Variants in PIK3R5 observed in about 807,000 individuals in gnomAD.
PIK3R5 encodes phosphoinositide-3-kinase regulatory subunit 5.
Under a neutral mutation model 94.9 loss-of-function variants are expected in PIK3R5, and 32 were observed. The observed-to-expected ratio is 0.34, with a 90% CI of 0.25 to 0.45. The LOEUF is 0.45. Among genes scored for constraint, PIK3R5 ranks in the 20% least tolerant of loss-of-function variants. The pLI, the probability that PIK3R5 is intolerant of heterozygous loss-of-function variation, is 1.00. For missense variants in PIK3R5, 853 were observed against 1,144.6 expected (o/e 0.75, Z 3.68); for synonymous variants, 443 against 479.4 (o/e 0.92, Z 0.99).
At chr17:8,903,244 C>T (rs999326598) in intron 5 of PIK3R5, among the ~76,000 whole-genome samples, 10 of 151,902 alleles carry the variant, frequency 6.6e-5, no homozygotes, top group African/African-American at 2.4e-4. Context: ...TTTGAGGATG[C>T]CACTTTGTCA....
In PIK3R5 at chr17:8,944,718, C is replaced by T. The variant is rs571518840; in HGVS notation, c.-14+20878G>A. Reference sequence around the variant, plus strand: ...AAGGCACCTGGCTAGGGCAGGAACACGGGTGATCCTAACGGAAGTACCAGG... The same window carrying T: ...AAGGCACCTGGCTAGGGCAGGAACATGGGTGATCCTAACGGAAGTACCAGG... On this transcript the variant is annotated intron_variant, in intron 1 of 18. Coordinates refer to ENST00000447110, the MANE Select transcript of PIK3R5 (RefSeq NM_001142633.3). 5.9e-5 allele frequency among the ~76,000 whole-genome samples: 9 copies of T among 152,294 alleles called. No individual in the cohort carries two copies. The South Asian group carries it at 1.0e-3, about 18-fold the overall frequency.
intron 1 of PIK3R5, among the ~76,000 whole-genome samples, chr17:8,939,515 G>A (rs1385596763): frequency 6.6e-6 from 1 of 152,162 alleles, no homozygotes; most frequent in Non-Finnish European, 1.5e-5. Context: ...GCCCAGCAGT[G>A]AGTCTAATCA....
chr17:8,937,793 C>G (rs886191095), intron 1 of PIK3R5, among the ~76,000 whole-genome samples: 15 of 152,132 alleles, frequency 9.9e-5, no homozygotes, highest in Non-Finnish European at 1.5e-5. Flanking sequence ...CTGGAATGGA[C>G]TGTAGAGAGT....
Position 8,886,338 on chromosome 17 carries a change from G to A in PIK3R5, c.2035-16C>T, listed in dbSNP as rs755694661. ...TGAAGGTCAGCTGGAGAGGGCAGGA[G>A]CATGTACATCAGTGTGAACCTCCTG... On this transcript the variant is annotated splice_polypyrimidine_tract_variant and intron_variant, in intron 13 of 18. Transcript: ENST00000447110. The A allele has an allele frequency of 3.7e-6, 6 of 1,607,502 alleles. No homozygotes were observed. Among genetic ancestry groups the A allele is most frequent in the Non-Finnish European group, 5.1e-6 (6 of 1,174,386 alleles).
Position 8,909,135 on chromosome 17 carries a change from A to T in PIK3R5, c.143T>A (p.Val48Asp). The T allele has an allele frequency of 6.2e-7, 1 of 1,607,612 alleles. No homozygotes were observed. Among genetic ancestry groups the T allele is most frequent in the Non-Finnish European group, 8.5e-7 (1 of 1,176,684 alleles). The change falls in exon 3 of 19, where the codon GTC (valine) becomes GAC (aspartate). Residue 48 changes from valine to aspartate, a missense_variant. By Grantham distance (152) the Val-to-Asp change is radical (BLOSUM62 -3). This residue lies in a region of PIK3R5 where 108 missense variants were observed against 170.1 expected (regional missense o/e 0.63). Transcript: ENST00000447110. The surrounding 1 kb of genome is among the most constrained non-coding windows in gnomAD (Gnocchi z 4.3). ...CLNCWSLQEL[V>D]SRDPGHFLIL... is the part of the protein sequence containing the mutation. ...AAGGAAGTGGCCCGGGTCCCTGCTG[A>T]CCAGCTCCTGCAGGCTCCAGCAGTT...
rs777086538 is a variant in PIK3R5 at position 8,911,469 on chromosome 17, G to A, written c.26C>T (p.Thr9Met). 32 of 1,599,752 alleles carry A rather than the reference G, an allele frequency of 2.0e-5. No individual in the cohort carries two copies. The highest frequency in any genetic ancestry group is 8.9e-5 in the East Asian group (4 of 44,888). Residue 9 changes from threonine to methionine, a missense_variant, in exon 2 of 19, where the codon ACG becomes ATG. By Grantham distance (81) the Thr-to-Met change is moderately conservative. Around this residue, in one of 6 missense-constraint regions of PIK3R5, gnomAD observed 108 missense variants for 170.1 expected, o/e 0.63. Transcript: ENST00000447110. The surrounding 1 kb of genome is among the most constrained non-coding windows in gnomAD (Gnocchi z 5.3). MQPGATTC[T>M]EDRIQHALER... ...CAGGGCATGCTGGATGCGGTCCTCC[G>A]TGCATGTCGTGGCCCCTGGCTGCAT...
intron 1 of PIK3R5, among the ~76,000 whole-genome samples, chr17:8,917,849 C>A (rs1362035882): frequency 6.6e-6 from 1 of 151,710 alleles, no homozygotes; most frequent in South Asian, 2.1e-4. Flanking sequence ...CTAGGTGACA[C>A]AGCAAGACTC....
At position 8,888,280 on chromosome 17, in the gene PIK3R5, G is replaced by A. The variant is rs772438975; in HGVS notation, c.1507C>T (p.Arg503Cys). 1.4e-5 allele frequency: 23 copies of A among 1,613,224 alleles called. No individual in the cohort carries two copies. The South Asian group carries it at 1.8e-4, about 12-fold the overall frequency. The change falls in exon 10 of 19, where the codon CGC (arginine) becomes TGC (cysteine). Residue 503 changes from arginine to cysteine, a missense_variant. This residue lies in a region of PIK3R5 where 319 missense variants were observed against 339.8 expected (regional missense o/e 0.94). Coordinates refer to ENST00000447110, the MANE Select transcript of PIK3R5 (RefSeq NM_001142633.3). The surrounding 1 kb of genome is among the most constrained non-coding windows in gnomAD (Gnocchi z 7.8). ...LAPASRPQRRRPFLSGDEDPK... is the reference protein window; with the variant it reads ...LAPASRPQRRCPFLSGDEDPK... Reference sequence around the variant, plus strand: ...TCCTCATCTCCACTCAGGAAGGGGCGGCGGCGCTGGGGGCGTGAAGCAGGG... The same window carrying A: ...TCCTCATCTCCACTCAGGAAGGGGCAGCGGCGCTGGGGGCGTGAAGCAGGG...
At chr17:8,920,114 C>T (rs1047904614) in intron 1 of PIK3R5, among the ~76,000 whole-genome samples, 3 of 152,002 alleles carry the variant, frequency 2.0e-5, no homozygotes, top group African/African-American at 7.2e-5. Flanking sequence ...GAACTCCTGA[C>T]CTCAAGTGAT....
chr17:8,941,652 C>T (rs533595717), intron 1 of PIK3R5, among the ~76,000 whole-genome samples: 4 of 152,372 alleles, frequency 2.6e-5, no homozygotes, highest in Admixed American at 1.3e-4. Context: ...GAGCGGCCCA[C>T]GCGGCACCGT....
intron 1 of PIK3R5, among the ~76,000 whole-genome samples, chr17:8,913,790 C>T (rs2090577635): frequency 6.6e-6 from 1 of 152,174 alleles, no homozygotes; most frequent in South Asian, 2.1e-4. Context: ...ACCTGGATGC[C>T]CAAAGACATC....
rs908424575 is a variant in PIK3R5 at position 8,945,711 on chromosome 17, C to T, written c.-14+19885G>A. 1.3e-5 allele frequency among the ~76,000 whole-genome samples: 2 copies of T among 152,236 alleles called. No homozygotes were observed. Among genetic ancestry groups the T allele is most frequent in the Non-Finnish European group, 2.9e-5 (2 of 68,040 alleles). ...CCCATCCCACCTCTCCTTTACATTA[C>T]AGCCTTGCCACTTCTCCATCAAGAG... On this transcript the variant is annotated intron_variant, in intron 1 of 18. Coordinates refer to ENST00000447110, the MANE Select transcript of PIK3R5 (RefSeq NM_001142633.3). This position sits in a 1 kb window ranked among gnomAD's most constrained non-coding sequence, Gnocchi z 4.0.
At chr17:8,927,371 C>T (rs1180871085) in intron 1 of PIK3R5, among the ~76,000 whole-genome samples, 4 of 152,202 alleles carry the variant, frequency 2.6e-5, no homozygotes, top group Non-Finnish European at 5.9e-5. Flanking sequence ...AATGAGGTTC[C>T]CCAAATCCCC....
chr17:8,902,249 ATTTTTTTTTT>A (rs397960477), intron 5 of PIK3R5, among the ~76,000 whole-genome samples: 2 of 77,194 alleles, frequency 2.6e-5, no homozygotes, highest in Non-Finnish European at 4.6e-5. Context: ...TGATATATTA[ATTTTTTTTTT>A]TTTTTTTTTT....
chr17:8,930,022 T>C (rs552760724), intron 1 of PIK3R5, among the ~76,000 whole-genome samples: 2 of 152,156 alleles, frequency 1.3e-5, no homozygotes, highest in Non-Finnish European at 2.9e-5. Context: ...TCTCAACCAC[T>C]GATAGAACAA....
intron 1 of PIK3R5, among the ~76,000 whole-genome samples, chr17:8,929,062 G>T (rs2090941093): frequency 6.6e-6 from 1 of 152,110 alleles, no homozygotes; most frequent in Non-Finnish European, 1.5e-5. Context: ...AACAATATAT[G>T]CAGTGACCAT....
intron 1 of PIK3R5, among the ~76,000 whole-genome samples, chr17:8,926,313 C>T (rs920994631): frequency 2.0e-5 from 3 of 151,970 alleles, no homozygotes; most frequent in African/African-American, 2.4e-5. Flanking sequence ...AAGCTTTGCT[C>T]AGAAGAGCTG....
chr17:8,959,542 G>T (rs2091523328), intron 1 of PIK3R5, among the ~76,000 whole-genome samples: 2 of 152,244 alleles, frequency 1.3e-5, no homozygotes, highest in Admixed American at 6.5e-5. Flanking sequence ...GAGAGAGTTT[G>T]AGACTCTCCT....
At position 8,881,105 on chromosome 17, in the gene PIK3R5, C is replaced by T. The variant is rs1225388190; in HGVS notation, c.2383-88G>A. On this transcript the variant is annotated intron_variant, in intron 17 of 18. Transcript: ENST00000447110. This position sits in a 1 kb window ranked among gnomAD's most constrained non-coding sequence, Gnocchi z 4.8. Reference sequence around the variant, plus strand: ...GTTCCTTTTCTCAGAACTGCCCATCCACTTCTAGGGGTGTGGGAGGGCAGG... The same window carrying T: ...GTTCCTTTTCTCAGAACTGCCCATCTACTTCTAGGGGTGTGGGAGGGCAGG... 3.1e-6 allele frequency: 3 copies of T among 971,670 alleles called. No homozygotes were observed. Among genetic ancestry groups the T allele is most frequent in the African/African-American group, 3.2e-5 (2 of 62,814 alleles). The allele number at this position is 971,670 out of a possible 1,614,324, so 60.2% of individuals were successfully genotyped here.
Sources: allele counts gnomAD v4.1 joint callset (sites outside exome capture counted in the v4.1 genomes callset), GRCh38; gene constraint gnomAD v4.1.1; regional missense constraint gnomAD v4.1.1; non-coding constraint Gnocchi (gnomAD v3.1); transcripts MANE v1.5; gene names NCBI Gene and HGNC (gene_info 2026-07-23, HGNC 2026-07-21).